WDFY3: variants seen among roughly 807,000 people sequenced by gnomAD.
WDFY3 encodes WD repeat and FYVE domain containing 3, also known as WD repeat and FYVE domain-containing protein 3.
A neutral mutation model predicts 409.6 loss-of-function variants in WDFY3; 66 were observed. The ratio of observed to expected loss-of-function variants is 0.16; its 90% CI spans 0.13 to 0.20. The LOEUF (loss-of-function observed/expected upper bound fraction) is 0.20. Ranked by LOEUF, WDFY3 falls within the 10% of genes least tolerant of loss-of-function variation. The pLI is 1.00. For missense variants in WDFY3, 3,031 were observed against 4,298.1 expected (o/e 0.71, Z 8.24); for synonymous variants, 1,521 against 1,537.1 (o/e 0.99, Z 0.25).
rs751268549 is a variant in WDFY3 at position 84,820,174 on chromosome 4, T to C, written c.1604A>G (p.Asn535Ser). 6 of 1,608,356 alleles carry C rather than the reference T, an allele frequency of 3.7e-6. No homozygotes were observed. In the Admixed American group the frequency reaches 1.0e-4, roughly 27 times the overall value. ...TTTTTGGTCTTCAACTGAACTATTA[T>C]TTCTTGAGTCCCCTAAAAAAAGGTT... ...QALNEQGDSRNNSSVEDQKHL... is the reference protein window; with the variant it reads ...QALNEQGDSRSNSSVEDQKHL... Residue 535 changes from asparagine to serine, a missense_variant, in exon 12 of 68, where the codon AAT (asparagine) becomes AGT (serine). Physicochemically the swap from Asn to Ser is conservative, Grantham distance 46. Coordinates refer to ENST00000295888, the MANE Select transcript of WDFY3 (RefSeq NM_014991.6).
chr4:84,944,173 T>C lies in WDFY3; in HGVS notation c.-225-11810A>G, dbSNP rs368190467. 7.9e-5 allele frequency among the ~76,000 whole-genome samples: 12 copies of C among 152,270 alleles called. No individual in the cohort carries two copies. In the East Asian group the frequency reaches 2.1e-3, roughly 27 times the overall value. On this transcript the variant is annotated intron_variant, in intron 1 of 67. Transcript: ENST00000295888. Reference sequence around the variant, plus strand: ...TTTTCGCTGACTGAATAAATAGCTTTATATAAGTATTATTTATTAGTCTTT... The same window carrying C: ...TTTTCGCTGACTGAATAAATAGCTTCATATAAGTATTATTTATTAGTCTTT...
intron 17 of WDFY3, among the ~76,000 whole-genome samples, chr4:84,798,757 CAG>C (rs746674850): frequency 2.0e-5 from 3 of 152,180 alleles, no homozygotes; most frequent in Admixed American, 2.0e-4. Context: ...ATTCCTAAAA[CAG>C]AGTCTTAATT....
chr4:84,894,947 C>A (rs977143653), intron 3 of WDFY3, among the ~76,000 whole-genome samples: 596 of 98,472 alleles, frequency 6.1e-3, no homozygotes, highest in Middle Eastern at 0.012. Context: ...GAGACTGTCT[C>A]AAAAAAAAAA....
intron 19 of WDFY3, among the ~76,000 whole-genome samples, chr4:84,795,705 T>C (rs1226040026): frequency 6.6e-6 from 1 of 151,554 alleles, no homozygotes; most frequent in Non-Finnish European, 1.5e-5. Flanking sequence ...GAGGTTGCAG[T>C]GAGCCAAGAT....
intron 51 of WDFY3, among the ~76,000 whole-genome samples, chr4:84,710,172 C>G (rs1470242789): frequency 6.6e-6 from 1 of 152,156 alleles, no homozygotes; most frequent in Non-Finnish European, 1.5e-5. Flanking sequence ...GAGCCATATT[C>G]TAACCATAGT....
At chr4:84,704,097 T>C (rs1468250096) in intron 55 of WDFY3, among the ~76,000 whole-genome samples, 1 of 152,222 alleles carries the variant, frequency 6.6e-6, no homozygotes, top group African/African-American at 2.4e-5. Context: ...TTAGGGCTGG[T>C]TGAAAAATGT....
chr4:84,867,486 T>G (rs568003985), intron 3 of WDFY3, among the ~76,000 whole-genome samples: 2 of 152,220 alleles, frequency 1.3e-5, no homozygotes, highest in African/African-American at 4.8e-5. Context: ...ACAAACCCTA[T>G]TTGGGTTCAT....
intron 5 of WDFY3, 113 bp downstream of exon 5, chr4:84,849,789 T>C (rs1758630897): frequency 4.9e-6 from 7 of 1,426,066 alleles, no homozygotes; most frequent in Non-Finnish European, 6.7e-6. Context: ...AATGGGTAAA[T>C]GAACTCAATG....
At position 84,864,405 on chromosome 4, in the gene WDFY3, T is replaced by C. The variant is rs563636470; in HGVS notation, c.-31-3783A>G. Among the ~76,000 whole-genome samples the C allele has an allele frequency of 5.3e-5, 8 of 150,338 alleles. No homozygotes were observed. In the South Asian group the frequency reaches 1.7e-3, roughly 32 times the overall value. On this transcript the variant is annotated intron_variant, in intron 3 of 67. Coordinates refer to ENST00000295888, the MANE Select transcript of WDFY3 (RefSeq NM_014991.6). ...AAAAAAAAAAGAACAAGAATGCTAC[T>C]GGAATTTTTGATAAGGATTACGCTT...
intron 21 of WDFY3, among the ~76,000 whole-genome samples, chr4:84,792,861 A>C (rs1364758902): frequency 6.6e-6 from 1 of 152,202 alleles, no homozygotes; most frequent in Non-Finnish European, 1.5e-5. Flanking sequence ...ATGCATTTAT[A>C]AGTTTACATA....
intron 12 of WDFY3, among the ~76,000 whole-genome samples, chr4:84,819,084 T>TC (rs1222658347): frequency 6.6e-6 from 1 of 152,162 alleles, no homozygotes; most frequent in Non-Finnish European, 1.5e-5. Flanking sequence ...ACTCATTGTT[T>TC]CAATTACCTG....
At position 84,841,231 on chromosome 4, in the gene WDFY3, C is replaced by G. The variant is rs1400640963; in HGVS notation, c.337G>C (p.Glu113Gln). 4 of 1,612,858 alleles carry G rather than the reference C, an allele frequency of 2.5e-6. No homozygotes were observed. The highest frequency in any genetic ancestry group is 3.4e-6 in the Non-Finnish European group (4 of 1,179,774). ...AASRAIVQFL[E>Q]INQSEEASRG... ...CTGGCTTCTTCACTCTGATTAATCTCTAGGAACTGAACTATGGCCCGACTT... is the reference window on the plus strand; with the variant it reads ...CTGGCTTCTTCACTCTGATTAATCTGTAGGAACTGAACTATGGCCCGACTT... Residue 113 changes from glutamate to glutamine, a missense_variant, in exon 6 of 68, where the codon GAG (glutamate) becomes CAG (glutamine). Transcript: ENST00000295888.
chr4:84,770,107 C>T (rs1308472890), intron 30 of WDFY3, among the ~76,000 whole-genome samples: 1 of 151,924 alleles, frequency 6.6e-6, no homozygotes, highest in Admixed American at 6.6e-5. Context: ...CTGCTCACTG[C>T]AAGCTCTGCC....
intron 35 of WDFY3, 87 bp from the exon 36 acceptor site, chr4:84,751,803 G>C (rs1740569014): frequency 7.0e-7 from 1 of 1,431,424 alleles, no homozygotes; most frequent in Admixed American, 1.7e-5. Flanking sequence ...AACTGGAGCA[G>C]CAGCATTTTC....
At chr4:84,701,395 A>AT (rs1731049299) in intron 56 of WDFY3, among the ~76,000 whole-genome samples, 1 of 152,232 alleles carries the variant, frequency 6.6e-6, no homozygotes, top group African/African-American at 2.4e-5. Flanking sequence ...AATTATCTTT[A>AT]GAAAACTTCA....
At chr4:84,759,090 G>C (rs1208131121) in intron 32 of WDFY3, among the ~76,000 whole-genome samples, 1 of 152,074 alleles carries the variant, frequency 6.6e-6, no homozygotes, top group East Asian at 1.9e-4. Context: ...TTTTTCTCAG[G>C]TTTGTCAAAG....
At chr4:84,696,687 G>A (rs1730210464) in intron 57 of WDFY3, 45 bp downstream of exon 57, 1 of 1,583,762 alleles carries the variant, frequency 6.3e-7, no homozygotes, top group African/African-American at 1.3e-5. Flanking sequence ...TATGTTCAAT[G>A]ACCAAATGAA....
At position 84,787,496 on chromosome 4, in the gene WDFY3, G is replaced by C. The variant is rs1404546399; in HGVS notation, c.3887C>G (p.Ala1296Gly). Residue 1296 changes from alanine (A) to glycine (G), a missense_variant, in exon 23 of 68, where the codon GCT becomes GGT. Physicochemically the swap from Ala to Gly is moderately conservative, Grantham distance 60. Coordinates refer to ENST00000295888, the MANE Select transcript of WDFY3 (RefSeq NM_014991.6). ...AAGTTACTCACATGGCATACATACA[G>C]CCTGAAAGCTTCCAACATAATTTGG... The part of the protein sequence containing the change: ...LGPNYVGSFQ[A>G]VCMPCKDAKS... 6.2e-7 allele frequency: 1 copy of C among 1,613,920 alleles called. No homozygotes were observed. Among genetic ancestry groups the C allele is most frequent in the Non-Finnish European group, 8.5e-7 (1 of 1,179,926 alleles).
rs752470939 is a variant in WDFY3, at chr4:84,684,034, C to T, written c.9635G>A (p.Ser3212Asn). The T allele has an allele frequency of 5.6e-6, 9 of 1,613,756 alleles. No individual in the cohort carries two copies. Among genetic ancestry groups the T allele is most frequent in the Non-Finnish European group, 7.6e-6 (9 of 1,179,782 alleles). ...IVSVNTFTGRSQQIICCCMSE... is the reference protein window; with the variant it reads ...IVSVNTFTGRNQQIICCCMSE... ...CATGCAGCAGCAGATGATCTGCTGG[C>T]TCCTACCTGTGAACGTGTTGACACT... is the stretch of plus-strand genomic sequence containing the variant. The change falls in exon 63 of 68, where the codon AGC (serine) becomes AAC (asparagine). Residue 3212 changes from serine to asparagine, a missense_variant. Ser to Asn is a conservative substitution (Grantham distance 46). Coordinates refer to ENST00000295888, the MANE Select transcript of WDFY3 (RefSeq NM_014991.6).
Sources: gnomAD v4.1 joint callset for allele counts (sites outside exome capture counted in the v4.1 genomes callset) on GRCh38, gnomAD v4.1.1 for gene constraint, MANE v1.5 for transcripts, NCBI Gene and HGNC (gene_info 2026-07-23, HGNC 2026-07-21) for gene names.